Variants in DMBT1 observed in about 807,000 individuals in gnomAD.
DMBT1 encodes the protein scavenger receptor cysteine-rich domain-containing protein DMBT1.
DMBT1 carries 198 observed loss-of-function variants against 252.9 expected under a neutral mutation model. The observed-to-expected ratio is 0.78, with a 90% CI of 0.70 to 0.88. DMBT1 has a LOEUF of 0.88. Ranked by LOEUF, DMBT1 falls within the 40% of genes least tolerant of loss-of-function variation. The pLI, the probability that DMBT1 is intolerant of heterozygous loss-of-function variation, is 0.00. For synonymous variants in DMBT1, 990 were observed against 942.7 expected (o/e 1.05, Z -0.92); for missense variants, 2,432 against 2,404.7 (o/e 1.01, Z -0.24).
intron 6 of DMBT1, among the ~76,000 whole-genome samples, chr10:122,574,251 C>T (rs2097692107): frequency 6.6e-6 from 1 of 152,224 alleles, no homozygotes; most frequent in African/African-American, 2.4e-5. Context: ...TCATGGGCAT[C>T]AGAGCTCATG....
chr10:122,568,112 CGACACGGAAGGAAT>C (rs1400955402), intron 2 of DMBT1, among the ~76,000 whole-genome samples: 1 of 152,058 alleles, frequency 6.6e-6, no homozygotes, highest in Admixed American at 6.6e-5. Context: ...GCAGTGGGAA[CGACACGGAAGGAAT>C]GACCTTGGTG....
chr10:122,634,993 T>G (rs578123097), intron 52 of DMBT1, among the ~76,000 whole-genome samples: 1 of 152,312 alleles, frequency 6.6e-6, no homozygotes, highest in African/African-American at 2.4e-5. Context: ...AGTGATTCAT[T>G]TGGGATTTTG....
At chr10:122,572,850 C>A (rs1013747710) in intron 5 of DMBT1, among the ~76,000 whole-genome samples, 11 of 152,116 alleles carry the variant, frequency 7.2e-5, no homozygotes, top group Non-Finnish European at 1.5e-4. Flanking sequence ...GGACTTAAGA[C>A]ATAAATGTAT....
At chr10:122,591,547 C>G in intron 19 of DMBT1, 30 bp downstream of exon 19, 1 of 1,568,600 alleles carries the variant, frequency 6.4e-7, no homozygotes, top group Non-Finnish European at 8.7e-7. Context: ...CTCCCTAGGG[C>G]TCACTCTCTA....
chr10:122,592,524 G>A lies in DMBT1; in HGVS notation c.2429G>A (p.Trp810Ter). Residue 810 changes from tryptophan to a stop codon, truncating the protein, a stop_gained, in exon 20 of 56, where the codon TGG (tryptophan) becomes TAG (stop). Coordinates refer to ENST00000338354, the MANE Select transcript of DMBT1 (RefSeq NM_001377530.1). LOFTEE classifies it high-confidence loss of function. ...VRCSGHESYLWSCPHNGWLSH... is the reference protein window; with the variant it reads ...VRCSGHESYL ...TGCTCAGGACACGAGTCCTACCTGTGGAGCTGCCCCCACAATGGCTGGCTC... is the reference window on the plus strand; with the variant it reads ...TGCTCAGGACACGAGTCCTACCTGTAGAGCTGCCCCCACAATGGCTGGCTC... 1.9e-6 allele frequency: 3 copies of A among 1,588,132 alleles called. 1 individual carries two copies. The highest frequency in any genetic ancestry group is 2.6e-6 in the Non-Finnish European group (3 of 1,165,586).
intron 7 of DMBT1, among the ~76,000 whole-genome samples, chr10:122,577,233 C>G (rs949167739): frequency 2.6e-5 from 4 of 152,190 alleles, no homozygotes; most frequent in Non-Finnish European, 5.9e-5. Context: ...GTTGGTGAAG[C>G]CTTCCCTCCC....
intron 24 of DMBT1, 89 bp downstream of exon 24, chr10:122,597,143 T>A (rs961423497): frequency 1.5e-4 from 30 of 202,898 alleles, no homozygotes; most frequent in Non-Finnish European, 2.4e-4. Flanking sequence ...CGTTCTTCTC[T>A]GAGTGAATAC....
In DMBT1 at chr10:122,580,879, G is replaced by A; in HGVS notation, c.1017G>A (p.Arg339=). Residue 339 remains arginine, a synonymous_variant, in exon 11 of 56, where the codon CGG becomes CGA. Coordinates refer to ENST00000338354, the MANE Select transcript of DMBT1 (RefSeq NM_001377530.1). ...TCTTTCTCACAGCTCCCCAGTCCCG[G>A]CCGACACCCAGCCCAGGTAGGTCCC... The part of the protein sequence containing the change: ...AGVICSAPQS[R]PTPSPDTWPT... The A allele has an allele frequency of 1.2e-6, 2 of 1,613,782 alleles. No homozygotes were observed. The highest frequency in any genetic ancestry group is 1.3e-5 in the African/African-American group (1 of 74,958).
chr10:122,618,204 T>C lies in DMBT1; in HGVS notation c.5079T>C (p.Phe1693=). 2.5e-6 allele frequency: 4 copies of C among 1,613,864 alleles called. No individual in the cohort carries two copies. The highest frequency in any genetic ancestry group is 3.4e-6 in the Non-Finnish European group (4 of 1,179,824). ...WAMSAPGNAQ[F]GQGSGPIVLD... ...TGTCAGCCCCAGGAAATGCCCAGTT[T>C]GGCCAGGGCTCAGGACCCATTGTCC... Residue 1693 remains phenylalanine (F), a synonymous_variant, in exon 41 of 56, where the codon TTT becomes TTC. Coordinates refer to ENST00000338354, the MANE Select transcript of DMBT1 (RefSeq NM_001377530.1).
Position 122,573,715 on chromosome 10 carries a change from G to A in DMBT1, c.236G>A (p.Gly79Asp). The change falls in exon 6 of 56, where the codon GGT becomes GAT. Residue 79 changes from glycine (G) to aspartate (D), a missense_variant and splice_region_variant. Gly to Asp is a moderately conservative substitution (Grantham distance 94, BLOSUM62 -1). Coordinates refer to ENST00000338354, the MANE Select transcript of DMBT1 (RefSeq NM_001377530.1). ...ESTLESTVAE[G>D]SLIPSESTLE... ...AGCTCTTCCTTTCTCCACCCTGCAGGTTCTCTGATTCCCTCAGAGTCAACC... is the reference window on the plus strand; with the variant it reads ...AGCTCTTCCTTTCTCCACCCTGCAGATTCTCTGATTCCCTCAGAGTCAACC... The A allele has an allele frequency of 6.2e-7, 1 of 1,613,890 alleles. No individual in the cohort carries two copies. The highest frequency in any genetic ancestry group is 8.5e-7 in the Non-Finnish European group (1 of 1,179,838).
intron 25 of DMBT1, 23 bp downstream of exon 25, chr10:122,598,035 C>A: frequency 6.2e-7 from 1 of 1,613,838 alleles, no homozygotes; most frequent in East Asian, 2.2e-5. Flanking sequence ...CTCGCCCCTC[C>A]CTAGGGCTCA....
rs74521790 is a variant in DMBT1 at position 122,637,082 on chromosome 10, G to T, written c.6758-46G>T. The T allele has an allele frequency of 1.4e-5, 22 of 1,570,366 alleles. No individual in the cohort carries two copies. In the African/African-American group the frequency reaches 2.7e-4, roughly 19 times the overall value. ...AGCCTCTGGCCCCGTAGGACTTGTG[G>T]AGTCTGGGGCAGTGACTGAGTGCCT... On this transcript the variant is annotated intron_variant, in intron 53 of 55. Transcript: ENST00000338354.
intron 16 of DMBT1, among the ~76,000 whole-genome samples, chr10:122,586,943 G>C (rs1399702707): frequency 6.7e-6 from 1 of 148,302 alleles, no homozygotes; most frequent in Non-Finnish European, 1.5e-5. Context: ...AAGAGCAAGA[G>C]GGAGGGCCCA....
intron 21 of DMBT1, 103 bp downstream of exon 21, chr10:122,593,701 G>T (rs1463583981): frequency 4.4e-6 from 6 of 1,378,482 alleles, no homozygotes; most frequent in African/African-American, 4.2e-5. Flanking sequence ...GGATACTGTG[G>T]GGCATATTAT....
At chr10:122,625,056 A>G (rs865799739) in intron 44 of DMBT1, among the ~76,000 whole-genome samples, 1 of 152,220 alleles carries the variant, frequency 6.6e-6, no homozygotes, top group South Asian at 2.1e-4. Context: ...GTAGGTTCCT[A>G]TAGCAAACAA....
At position 122,576,662 on chromosome 10, in the gene DMBT1, C is replaced by G; in HGVS notation, c.547C>G (p.His183Asp). Residue 183 changes from histidine (H) to aspartate (D), a missense_variant, in exon 7 of 56, where the codon CAC (histidine) becomes GAC (aspartate). Physicochemically the swap from His to Asp is moderately conservative, Grantham distance 81. Coordinates refer to ENST00000338354, the MANE Select transcript of DMBT1 (RefSeq NM_001377530.1). ...GHESYLWSCP[H>D]NGWLSHNCGH... ...CGAATCCTACCTGTGGAGCTGCCCC[C>G]ACAATGGCTGGCTCTCCCATAACTG... The G allele has an allele frequency of 6.2e-7, 1 of 1,613,784 alleles. No individual in the cohort carries two copies. The highest frequency in any genetic ancestry group is 8.5e-7 in the Non-Finnish European group (1 of 1,179,734).
chr10:122,617,515 C>T (rs1457256145), intron 40 of DMBT1, among the ~76,000 whole-genome samples: 1 of 151,530 alleles, frequency 6.6e-6, no homozygotes, highest in Non-Finnish European at 1.5e-5. Flanking sequence ...AGGACGAGCA[C>T]TGGAAGGCTC....
At chr10:122,635,909 G>A (rs1453174713) in intron 52 of DMBT1, 82 bp from the exon 53 acceptor site, 13 of 1,467,852 alleles carry the variant, frequency 8.9e-6, no homozygotes, top group Non-Finnish European at 1.2e-5. Context: ...TGGCACAGAG[G>A]TGTGACCCCA....
chr10:122,567,096 GC>G (rs1365564633), intron 2 of DMBT1, among the ~76,000 whole-genome samples: 1 of 152,194 alleles, frequency 6.6e-6, no homozygotes, highest in African/African-American at 2.4e-5. Flanking sequence ...CTGCTCCTGG[GC>G]CCTTGGCCTT....
Sources: allele counts gnomAD v4.1 joint callset (sites outside exome capture counted in the v4.1 genomes callset), GRCh38; gene constraint gnomAD v4.1.1; transcripts MANE v1.5; gene names NCBI Gene and HGNC (gene_info 2026-07-23, HGNC 2026-07-21).